FAM169A: variants seen among roughly 807,000 people sequenced by gnomAD.
FAM169A encodes the protein family with sequence similarity 169 member A, also known as soluble lamin-associated protein of 75 kDa.
FAM169A carries 24 observed loss-of-function variants against 75.7 expected under a neutral mutation model. That is an observed-to-expected ratio of 0.32 (90% confidence interval 0.23 to 0.45). The LOEUF (loss-of-function observed/expected upper bound fraction) is 0.45. FAM169A is among the 20% of genes least tolerant of loss of function. The pLI is 1.00. For missense variants in FAM169A, 673 were observed against 784.0 expected, an observed-to-expected ratio of 0.86 and a Z score of 1.69; for synonymous variants, 271 against 271.0, an observed-to-expected ratio of 1.00 and a Z score of 0.00.
At position 74,839,522 on chromosome 5, in the gene FAM169A, ATT is replaced by A. The variant is rs200682932; in HGVS notation, c.233-474_233-473del. 6.7e-4 allele frequency among the ~76,000 whole-genome samples: 88 copies of A among 130,766 alleles called. 1 individual carries two copies. Among genetic ancestry groups the A allele is most frequent in the African/African-American group, 1.2e-3 (41 of 34,712 alleles). The allele number at this position is 130,766 out of a possible 152,430, so 85.8% of individuals were successfully genotyped here. ...ATGCGGAACTGTGAGTCAATTTTTA[ATT>A]TTTTTTTTTTTTTTTTTGAGATGGA... On this transcript the variant is annotated intron_variant, in intron 3 of 12. Transcript: ENST00000687041.
chr5:74,800,161 C>A, intron 10 of FAM169A: 1 of 433,158 alleles, frequency 2.3e-6, no homozygotes, highest in South Asian at 2.4e-5. Context: ...GGAAGCCAGC[C>A]CCAAGGAAAC....
chr5:74,816,375 A>G (rs1747471731), intron 5 of FAM169A, among the ~76,000 whole-genome samples: 1 of 151,532 alleles, frequency 6.6e-6, no homozygotes, highest in African/African-American at 2.4e-5. Context: ...TCATAAATTG[A>G]TTTTTTTTTC....
chr5:74,847,764 T>C (rs1456451595), intron 1 of FAM169A, among the ~76,000 whole-genome samples: 1 of 152,158 alleles, frequency 6.6e-6, no homozygotes, highest in African/African-American at 2.4e-5. Context: ...AAACAGAAAT[T>C]AGTGATTCTT....
rs1399581447 is a variant in FAM169A at position 74,783,029 on chromosome 5, ATTC to A, written c.1363_1365del (p.Glu455del). ...CTGGAATTAAAAGGCTGCAATTTTAATTCTTCATCTAAAACTTCACTAGTGGAG... is the reference window on the plus strand; with the variant it reads ...CTGGAATTAAAAGGCTGCAATTTTAATTCATCTAAAACTTCACTAGTGGAG... On this transcript the variant is annotated inframe_deletion, in exon 12 of 13. Transcript: ENST00000687041. The A allele has an allele frequency of 1.9e-6, 3 of 1,613,806 alleles. No homozygotes were observed. The highest frequency in any genetic ancestry group is 1.7e-5 in the Admixed American group (1 of 60,002).
chr5:74,852,133 G>T (rs1749474122), intron 1 of FAM169A, among the ~76,000 whole-genome samples: 1 of 152,144 alleles, frequency 6.6e-6, no homozygotes, highest in Non-Finnish European at 1.5e-5. Context: ...ATTCTGCTGA[G>T]TCACAATCCC....
intron 1 of FAM169A, among the ~76,000 whole-genome samples, chr5:74,852,472 TA>T (rs1256930978): frequency 6.6e-6 from 1 of 152,018 alleles, no homozygotes; most frequent in Non-Finnish European, 1.5e-5. Context: ...ATTTACTAAA[TA>T]AATGAATGAC....
chr5:74,821,020 CAG>C (rs1159170807), intron 5 of FAM169A, among the ~76,000 whole-genome samples: 1 of 152,128 alleles, frequency 6.6e-6, no homozygotes. Flanking sequence ...TCACTTCATT[CAG>C]AGAGACTTCC....
At position 74,866,162 on chromosome 5, in the gene FAM169A, C is replaced by G; in HGVS notation, c.-4+3G>C. On this transcript the variant is annotated splice_donor_region_variant and intron_variant, in intron 1 of 12. Coordinates refer to ENST00000687041, the MANE Select transcript of FAM169A (RefSeq NM_001376049.1). The stretch of plus-strand genomic sequence containing the variant: ...CCGCGCCGGGGAGAGGGAGCGCACT[C>G]ACCTCAGACGCGCCCCGGGAGCCGC... 1.0e-6 allele frequency: 1 copy of G among 982,210 alleles called. No homozygotes were observed. Among genetic ancestry groups the G allele is most frequent in the African/African-American group, 1.7e-5 (1 of 57,200 alleles). The allele number at this position is 982,210 out of a possible 1,614,324, so 60.8% of individuals were successfully genotyped here. A position where few individuals can be genotyped will look rare whatever the true frequency, so the allele number is the denominator to read the frequency against.
chr5:74,805,976 C>CAAAAAAAAAAA (rs370761667), intron 6 of FAM169A, among the ~76,000 whole-genome samples: 1 of 85,244 alleles, frequency 1.2e-5, no homozygotes, highest in Non-Finnish European at 2.5e-5. Context: ...TTAAAAGCTC[C>CAAAAAAAAAAA]AAAAAAAAAA....
chr5:74,843,828 C>T (rs567080048), intron 1 of FAM169A, among the ~76,000 whole-genome samples: 1 of 152,290 alleles, frequency 6.6e-6, no homozygotes, highest in South Asian at 2.1e-4. Flanking sequence ...TATAAGCACT[C>T]CTGCATGAGC....
chr5:74,813,411 C>T (rs1340751708), intron 6 of FAM169A, among the ~76,000 whole-genome samples: 4 of 152,080 alleles, frequency 2.6e-5, no homozygotes, highest in Non-Finnish European at 5.9e-5. Flanking sequence ...ACTGCAACCT[C>T]TGCCTCCCGG....
chr5:74,854,041 T>A (rs1749582374), intron 1 of FAM169A, among the ~76,000 whole-genome samples: 1 of 152,106 alleles, frequency 6.6e-6, no homozygotes, highest in Non-Finnish European at 1.5e-5. Flanking sequence ...TATATATTTA[T>A]GGGATACATG....
At chr5:74,848,504 GATT>G (rs1239354171) in intron 1 of FAM169A, 9 of 151,886 alleles carry the variant, frequency 5.9e-5, no homozygotes, top group Non-Finnish European at 1.3e-4. Flanking sequence ...AAAATATAAC[GATT>G]ATATTATTAA....
intron 11 of FAM169A, among the ~76,000 whole-genome samples, chr5:74,795,316 G>T (rs1334351278): frequency 6.6e-6 from 1 of 152,072 alleles, no homozygotes; most frequent in East Asian, 1.9e-4. Flanking sequence ...CTGCCTGCTA[G>T]ACTTGGCAAA....
intron 1 of FAM169A, among the ~76,000 whole-genome samples, chr5:74,850,080 G>C (rs770657177): frequency 9.2e-5 from 14 of 152,120 alleles, no homozygotes; most frequent in Admixed American, 1.3e-4. Flanking sequence ...TATGTGCCAG[G>C]TTCTATTCCG....
chr5:74,802,014 AGTG>A (rs146734449), intron 8 of FAM169A, among the ~76,000 whole-genome samples: 22,156 of 152,152 alleles, frequency 0.15, 1,847 homozygotes, highest in African/African-American at 0.23. Context: ...AATATCTCCC[AGTG>A]GATGTCCCAT....
At chr5:74,863,018 T>A (rs1750118902) in intron 1 of FAM169A, among the ~76,000 whole-genome samples, 1 of 131,018 alleles carries the variant, frequency 7.6e-6, no homozygotes, top group Non-Finnish European at 1.6e-5. Context: ...AAAACTGTAT[T>A]CATTTAAAAA....
intron 1 of FAM169A, among the ~76,000 whole-genome samples, chr5:74,844,435 C>T (rs904920322): frequency 6.6e-6 from 1 of 151,644 alleles, no homozygotes; most frequent in East Asian, 1.9e-4. Flanking sequence ...CTGGGTAACA[C>T]AGTGGGACCT....
intron 1 of FAM169A, among the ~76,000 whole-genome samples, chr5:74,857,894 T>C (rs750385303): frequency 2.6e-5 from 4 of 152,158 alleles, no homozygotes; most frequent in Admixed American, 1.3e-4. Context: ...CAAGCCAGTA[T>C]GCCATTTTTT....
Sources: gnomAD v4.1 joint callset for allele counts (sites outside exome capture counted in the v4.1 genomes callset) on GRCh38, gnomAD v4.1.1 for gene constraint, MANE v1.5 for transcripts, NCBI Gene and HGNC (gene_info 2026-07-23, HGNC 2026-07-21) for gene names.